The following DGKB variants were observed in gnomAD, a reference collection of about 807,000 sequenced individuals.
The protein encoded by DGKB is diacylglycerol kinase beta, also known as 90 kDa diacylglycerol kinase.
In DGKB, 67 loss-of-function variants were observed where a neutral mutation model predicts 114.3. The ratio of observed to expected loss-of-function variants is 0.59; its 90% CI spans 0.48 to 0.72. DGKB has a LOEUF of 0.72. Among genes scored for constraint, DGKB ranks in the 30% least tolerant of loss-of-function variants. The pLI, the probability that DGKB is intolerant of heterozygous loss-of-function variation, is 0.00. For synonymous variants in DGKB, 398 were observed against 323.1 expected, an observed-to-expected ratio of 1.23 and a Z score of -2.49; for missense variants, 907 against 975.2, an observed-to-expected ratio of 0.93 and a Z score of 0.93.
At chr7:14,187,153 T>C (rs1408555612) in intron 23 of DGKB, among the ~76,000 whole-genome samples, 6 of 152,286 alleles carry the variant, frequency 3.9e-5, no homozygotes, top group Admixed American at 3.9e-4. Flanking sequence ...AATCACAAAA[T>C]TAAAATGAAG....
intron 2 of DGKB, among the ~76,000 whole-genome samples, chr7:14,760,180 A>G (rs1402130414): frequency 6.6e-6 from 1 of 151,772 alleles, no homozygotes; most frequent in Non-Finnish European, 1.5e-5. Flanking sequence ...ACAGCTTCCT[A>G]TGTATTTCCT....
At chr7:14,256,673 A>G (rs1215767329) in intron 23 of DGKB, among the ~76,000 whole-genome samples, 2 of 152,206 alleles carry the variant, frequency 1.3e-5, no homozygotes, top group Non-Finnish European at 2.9e-5. Flanking sequence ...AGGTTATTGC[A>G]TAGTTTGAGA....
chr7:14,259,073 T>G (rs1796351660), intron 23 of DGKB, among the ~76,000 whole-genome samples: 1 of 151,754 alleles, frequency 6.6e-6, no homozygotes, highest in Admixed American at 6.6e-5. Context: ...GAACATGGTT[T>G]AAAAAAAAGC....
At chr7:14,643,840 G>A (rs143932767) in intron 13 of DGKB, among the ~76,000 whole-genome samples, 13 of 152,246 alleles carry the variant, frequency 8.5e-5, no homozygotes, top group Admixed American at 3.3e-4. Context: ...CCAGGAGCCC[G>A]AGGCCATCCT....
intron 2 of DGKB, among the ~76,000 whole-genome samples, chr7:14,786,743 A>G (rs1839954302): frequency 6.9e-6 from 1 of 145,854 alleles, no homozygotes. Flanking sequence ...CTGACACATC[A>G]GCCCCCTGTC....
intron 20 of DGKB, among the ~76,000 whole-genome samples, chr7:14,558,965 G>A (rs1796262268): frequency 6.6e-6 from 1 of 152,172 alleles, no homozygotes; most frequent in African/African-American, 2.4e-5. Context: ...TGAATCAGGA[G>A]AGTTGAAGCA....
At chr7:14,515,473 A>C (rs189846217) in intron 20 of DGKB, among the ~76,000 whole-genome samples, 16 of 152,330 alleles carry the variant, frequency 1.1e-4, no homozygotes, top group Non-Finnish European at 1.5e-4. Flanking sequence ...AACTGAATCA[A>C]ACAATCTAAC....
At chr7:14,569,049 A>G (rs1797998563) in intron 20 of DGKB, among the ~76,000 whole-genome samples, 1 of 152,180 alleles carries the variant, frequency 6.6e-6, no homozygotes, top group African/African-American at 2.4e-5. Context: ...GAATGATTTG[A>G]GACAATTTAT....
chr7:14,361,584 G>C (rs549147611), intron 21 of DGKB, among the ~76,000 whole-genome samples: 123 of 151,956 alleles, frequency 8.1e-4, no homozygotes, highest in African/African-American at 2.7e-3. Context: ...GACAGATGTA[G>C]GAATTGTCAT....
chr7:14,701,408 T>C (rs1425740327), intron 7 of DGKB, among the ~76,000 whole-genome samples: 1 of 152,224 alleles, frequency 6.6e-6, no homozygotes, highest in Non-Finnish European at 1.5e-5. Flanking sequence ...ACAAGGCTGG[T>C]GCCTTTCTTT....
At chr7:14,440,339 T>A (rs896131918) in intron 21 of DGKB, among the ~76,000 whole-genome samples, 2 of 152,144 alleles carry the variant, frequency 1.3e-5, no homozygotes, top group Non-Finnish European at 2.9e-5. Context: ...TGTTTACTAA[T>A]GTAGCCTCCA....
intron 23 of DGKB, among the ~76,000 whole-genome samples, chr7:14,313,222 T>A (rs1399444288): frequency 6.6e-6 from 1 of 152,196 alleles, no homozygotes; most frequent in Non-Finnish European, 1.5e-5. Flanking sequence ...GTGTGAGGCT[T>A]GATTTTCTTC....
At chr7:14,900,860 CT>C (rs1371985391) in intron 1 of DGKB, among the ~76,000 whole-genome samples, 5 of 152,068 alleles carry the variant, frequency 3.3e-5, no homozygotes, top group Admixed American at 3.3e-4. Flanking sequence ...AATTTTCTTC[CT>C]CTTTAGCTAC....
intron 21 of DGKB, among the ~76,000 whole-genome samples, chr7:14,456,054 G>T (rs1205117398): frequency 6.6e-6 from 1 of 151,914 alleles, no homozygotes; most frequent in Non-Finnish European, 1.5e-5. Context: ...GGGCCAACGG[G>T]ATGCCACATG....
At chr7:14,163,405 T>C (rs1462188757) in intron 25 of DGKB, among the ~76,000 whole-genome samples, 2 of 152,186 alleles carry the variant, frequency 1.3e-5, no homozygotes, top group Non-Finnish European at 1.5e-5. Flanking sequence ...AACTAATTAA[T>C]GCATAAGTAA....
intron 25 of DGKB, among the ~76,000 whole-genome samples, chr7:14,174,112 T>G (rs948270969): frequency 5.3e-5 from 8 of 152,114 alleles, no homozygotes; most frequent in Non-Finnish European, 7.4e-5. Context: ...AGAAAGGTAG[T>G]CCGTCATTTA....
intron 23 of DGKB, among the ~76,000 whole-genome samples, chr7:14,307,475 G>A (rs1804680701): frequency 6.6e-6 from 1 of 152,128 alleles, no homozygotes; most frequent in Non-Finnish European, 1.5e-5. Flanking sequence ...ATTAGAGGAT[G>A]TTCTAAATGA....
chr7:14,953,442 T>C (rs1239562195), intron 1 of DGKB, among the ~76,000 whole-genome samples: 5 of 152,038 alleles, frequency 3.3e-5, no homozygotes, highest in Admixed American at 3.3e-4. Flanking sequence ...GATAAGCACA[T>C]AAAACAATGC....
chr7:14,506,705 T>A (rs570799886), intron 20 of DGKB, among the ~76,000 whole-genome samples: 1 of 152,322 alleles, frequency 6.6e-6, no homozygotes, highest in Admixed American at 6.5e-5. Flanking sequence ...CAGTCCAGGA[T>A]ACTATAAGTG....
Sources: gnomAD v4.1 joint callset for allele counts (sites outside exome capture counted in the v4.1 genomes callset) on GRCh38, gnomAD v4.1.1 for gene constraint, MANE v1.5 for transcripts, NCBI Gene and HGNC (gene_info 2026-07-23, HGNC 2026-07-21) for gene names.